The following MYRFL variants were observed in gnomAD, a reference collection of about 807,000 sequenced individuals.
MYRFL encodes the protein myelin regulatory factor like, also known as myelin regulatory factor-like protein.
A neutral mutation model predicts 109.4 loss-of-function variants in MYRFL; 88 were observed. The ratio of observed to expected loss-of-function variants is 0.80; its 90% confidence interval spans 0.68 to 0.96. The LOEUF (loss-of-function observed/expected upper bound fraction) is 0.96, where lower values mean the gene tolerates loss of function less well. Among genes scored for constraint, MYRFL ranks in the 40% least tolerant of loss-of-function variants. The pLI is 0.00. For missense variants in MYRFL, 957 were observed against 954.9 expected (o/e 1.00, Z -0.03); for synonymous variants, 324 against 320.9 (o/e 1.01, Z -0.10).
At chr12:69,880,112 A>G (rs1885969681) in intron 4 of MYRFL, 89 bp from the exon 5 acceptor site, 2 of 642,094 alleles carry the variant, frequency 3.1e-6, no homozygotes, top group Non-Finnish European at 5.6e-6. Context: ...GACTTAGGAA[A>G]GCAGAGAGCC....
At chr12:69,856,090 A>G (rs980325457) in intron 2 of MYRFL, among the ~76,000 whole-genome samples, 1 of 152,110 alleles carries the variant, frequency 6.6e-6, no homozygotes, top group African/African-American at 2.4e-5. Flanking sequence ...CAGACTCACC[A>G]TCTACACTGT....
chr12:69,945,988 A>C, intron 19 of MYRFL, among the ~76,000 whole-genome samples: 1 of 92,282 alleles, frequency 1.1e-5, no homozygotes, highest in African/African-American at 4.1e-5. Flanking sequence ...CTCCGTCTCA[A>C]AAAAAAAAAA....
At chr12:69,852,029 T>A (rs1883906274) in intron 1 of MYRFL, among the ~76,000 whole-genome samples, 1 of 152,248 alleles carries the variant, frequency 6.6e-6, no homozygotes, top group African/African-American at 2.4e-5. Flanking sequence ...TAATCTGAAC[T>A]ACTAGCTTTA....
Position 69,936,557 on chromosome 12 carries a change from G to A in MYRFL, c.2149G>A (p.Gly717Arg). The change falls in exon 19 of 25, where the codon GGA becomes AGA. Residue 717 changes from glycine (G) to arginine (R), a missense_variant. Physicochemically the swap from Gly to Arg is moderately radical, Grantham distance 125. Transcript: ENST00000552032. ...CQETYCCPIRGMKEVSSSPVQ... is the reference protein window; with the variant it reads ...CQETYCCPIRRMKEVSSSPVQ... ...GGAGACTTATTGCTGCCCCATCCGG[G>A]GAATGAAAGAAGTCTCTTCAAGTCC... is the stretch of plus-strand genomic sequence containing the variant. The A allele has an allele frequency of 6.5e-7, 1 of 1,536,154 alleles. No individual in the cohort carries two copies. Among genetic ancestry groups the A allele is most frequent in the Non-Finnish European group, 8.7e-7 (1 of 1,146,928 alleles).
intron 13 of MYRFL, among the ~76,000 whole-genome samples, chr12:69,924,335 G>C: frequency 6.6e-6 from 1 of 151,752 alleles, no homozygotes; most frequent in East Asian, 1.9e-4. Context: ...ACAATTTTAA[G>C]TTAGTTTTTG....
At chr12:69,911,666 A>G (rs777565658) in intron 13 of MYRFL, among the ~76,000 whole-genome samples, 13 of 152,308 alleles carry the variant, frequency 8.5e-5, no homozygotes, top group Non-Finnish European at 1.5e-4. Context: ...CCCTAATACC[A>G]TATCTATTGA....
chr12:69,949,706 G>T (rs1360191707), intron 19 of MYRFL, among the ~76,000 whole-genome samples: 2 of 148,322 alleles, frequency 1.3e-5, no homozygotes, highest in Non-Finnish European at 3.0e-5. Flanking sequence ...TATTTTATGT[G>T]TGGCCCAAGA....
intron 2 of MYRFL, among the ~76,000 whole-genome samples, chr12:69,861,380 C>T (rs569558992): frequency 1.4e-4 from 21 of 152,158 alleles, no homozygotes; most frequent in Non-Finnish European, 2.5e-4. Context: ...TAAAAGTGTT[C>T]CTGTTTCTCC....
At chr12:69,940,714 C>G (rs1247372479) in intron 19 of MYRFL, among the ~76,000 whole-genome samples, 1 of 149,104 alleles carries the variant, frequency 6.7e-6, no homozygotes, top group African/African-American at 2.5e-5. Context: ...GGACTAAATG[C>G]TCCAATTAAA....
rs952415111 is a variant in MYRFL, at chr12:69,878,935, G to A, written c.138-93G>A. 8.6e-6 allele frequency: 6 copies of A among 697,208 alleles called. No homozygotes were observed. In the Admixed American group the frequency reaches 1.2e-4, roughly 14 times the overall value. 43.2% of individuals were successfully genotyped at this position (697,208 alleles called of 1,614,324 possible). On this transcript the variant is annotated intron_variant, in intron 2 of 24. Transcript: ENST00000552032. ...GCCCAGCACCTGGAACCATCACTGTGGGGGCTGTACACTGAGGGTTGTCTC... is the reference window on the plus strand; with the variant it reads ...GCCCAGCACCTGGAACCATCACTGTAGGGGCTGTACACTGAGGGTTGTCTC...
Position 69,936,177 on chromosome 12 carries a change from C to A in MYRFL, c.1981C>A (p.Leu661Ile). The stretch of plus-strand genomic sequence containing the variant: ...AGATCAAGACCGACGTGTCCCAAAT[C>A]TCCCTCCAAGGTGAGAGTTCAGTTC... ...LKDQDRRVPNLPPSNITSSQE... is the reference protein window; with the variant it reads ...LKDQDRRVPNIPPSNITSSQE... Residue 661 changes from leucine to isoleucine, a missense_variant, in exon 17 of 25, where the codon CTC becomes ATC. Transcript: ENST00000552032. 2 of 1,342,276 alleles carry A rather than the reference C, an allele frequency of 1.5e-6. No homozygotes were observed. Among genetic ancestry groups the A allele is most frequent in the Non-Finnish European group, 1.9e-6 (2 of 1,030,564 alleles). 83.1% of individuals were successfully genotyped at this position (1,342,276 alleles called of 1,614,324 possible). A position where few individuals can be genotyped will look rare whatever the true frequency, so the allele number is the denominator to read the frequency against.
chr12:69,901,640 T>C (rs1057191622), intron 10 of MYRFL, among the ~76,000 whole-genome samples: 1 of 152,206 alleles, frequency 6.6e-6, no homozygotes, highest in Admixed American at 6.5e-5. Flanking sequence ...TGGCTCATTA[T>C]GTTCAAAATA....
At chr12:69,833,777 T>C (rs1298299469) in intron 1 of MYRFL, among the ~76,000 whole-genome samples, 1 of 150,880 alleles carries the variant, frequency 6.6e-6, no homozygotes, top group Non-Finnish European at 1.5e-5. Context: ...GGAACATCTA[T>C]AGAGATAGTT....
rs1161819130 is a variant in MYRFL, at chr12:69,927,679, T to C, written c.1767-6T>C. 1 of 1,531,586 alleles carries C rather than the reference T, an allele frequency of 6.5e-7. No homozygotes were observed. Among genetic ancestry groups the C allele is most frequent in the Admixed American group, 2.0e-5 (1 of 50,244 alleles). The allele number at this position is 1,531,586 out of a possible 1,614,324, so 94.9% of individuals were successfully genotyped here. On this transcript the variant is annotated splice_region_variant and splice_polypyrimidine_tract_variant and intron_variant, in intron 14 of 24. Coordinates refer to ENST00000552032, the MANE Select transcript of MYRFL (RefSeq NM_182530.3). ...AATAGTAACCAATTTTCTCTCTCTT[T>C]TAAAGCAAATCTAGCAGAGCCGTTA...
At chr12:69,832,131 G>A (rs1245430410) in intron 1 of MYRFL, among the ~76,000 whole-genome samples, 1 of 152,128 alleles carries the variant, frequency 6.6e-6, no homozygotes, top group Non-Finnish European at 1.5e-5. Flanking sequence ...TTTCAGCAAC[G>A]ATTAGATATA....
chr12:69,875,190 A>G (rs1023616076), intron 2 of MYRFL, among the ~76,000 whole-genome samples: 1 of 146,654 alleles, frequency 6.8e-6, no homozygotes, highest in African/African-American at 2.5e-5. Flanking sequence ...TCTCTTTTTT[A>G]AAGTTCATTT....
intron 16 of MYRFL, among the ~76,000 whole-genome samples, chr12:69,932,862 C>CGTGTGTGTGTGT (rs3970822): frequency 0.34 from 50,511 of 149,048 alleles, 9,375 homozygotes; most frequent in Non-Finnish European, 0.45. Flanking sequence ...CTGTGCCTTT[C>CGTGTGTGTGTGT]GTGTGTGTGT....
At chr12:69,949,639 A>T (rs3847774) in intron 19 of MYRFL, among the ~76,000 whole-genome samples, 3 of 144,320 alleles carry the variant, frequency 2.1e-5, no homozygotes, top group Non-Finnish European at 3.0e-5. Context: ...ACATTATGAG[A>T]TTTTTTTTTT....
rs541228109 is a variant in MYRFL, at chr12:69,881,795, C to G, written c.556+1503C>G. Among the ~76,000 whole-genome samples the G allele has an allele frequency of 3.3e-5, 5 of 152,230 alleles. No homozygotes were observed. The South Asian group carries it at 8.3e-4, about 25-fold the overall frequency. ...GAAACACAAAATGCTAATTAAAGCC[C>G]CATTTGTGGATAAGTTAGAGCTTTC... is the stretch of plus-strand genomic sequence containing the variant. On this transcript the variant is annotated intron_variant, in intron 5 of 24. Coordinates refer to ENST00000552032, the MANE Select transcript of MYRFL (RefSeq NM_182530.3).
Sources: gnomAD v4.1 joint callset for allele counts (sites outside exome capture counted in the v4.1 genomes callset) on GRCh38, gnomAD v4.1.1 for gene constraint, MANE v1.5 for transcripts, NCBI Gene and HGNC (gene_info 2026-07-23, HGNC 2026-07-21) for gene names.